Variants in MYO6 observed in about 807,000 individuals in gnomAD.
MYO6 encodes the protein unconventional myosin-VI.
MYO6 carries 74 observed loss-of-function variants against 178.7 expected under a neutral mutation model. That is an observed-to-expected ratio of 0.41 (90% confidence interval 0.34 to 0.50). The LOEUF is 0.50. Ranked by LOEUF, MYO6 falls within the 20% of genes least tolerant of loss-of-function variation. The probability of loss-of-function intolerance (pLI) is 0.09; values close to 1 mark genes in which losing one functional copy is unlikely to be tolerated. For missense variants in MYO6, 1,330 were observed against 1,547.4 expected (o/e 0.86, Z 2.36); for synonymous variants, 477 against 504.6 (o/e 0.95, Z 0.73).
intron 1 of MYO6, among the ~76,000 whole-genome samples, chr6:75,799,270 A>G (rs1769181523): frequency 6.6e-6 from 1 of 152,066 alleles, no homozygotes; most frequent in African/African-American, 2.4e-5. Flanking sequence ...GGCCCCTGTA[A>G]TCCCAGCTAC....
chr6:75,849,128 G>C (rs932616860), intron 11 of MYO6, among the ~76,000 whole-genome samples: 25 of 152,124 alleles, frequency 1.6e-4, no homozygotes, highest in Non-Finnish European at 3.4e-4. Flanking sequence ...GGCAAACTAT[G>C]AACCACAGCC....
At chr6:75,866,744 A>C in intron 17 of MYO6, 123 bp downstream of exon 17, 1 of 1,121,522 alleles carries the variant, frequency 8.9e-7, no homozygotes. Context: ...GTAAAATTAC[A>C]AGTTCAATTC....
Position 75,842,823 on chromosome 6 carries a change from C to T in MYO6, c.816+1445C>T, listed in dbSNP as rs540154582. 4.6e-5 allele frequency among the ~76,000 whole-genome samples: 7 copies of T among 152,224 alleles called. No homozygotes were observed. In the South Asian group the frequency reaches 1.5e-3, roughly 32 times the overall value. On this transcript the variant is annotated intron_variant, in intron 9 of 34. Transcript: ENST00000369977. Reference sequence around the variant, plus strand: ...TTCTGGCCTTAATCTAGCATTTCTTCCTGCTTGGAGGCTTGGGAGTATAGT... The same window carrying T: ...TTCTGGCCTTAATCTAGCATTTCTTTCTGCTTGGAGGCTTGGGAGTATAGT...
intron 9 of MYO6, 32 bp downstream of exon 9, chr6:75,841,410 C>G: frequency 6.2e-7 from 1 of 1,600,628 alleles, no homozygotes; most frequent in South Asian, 1.1e-5. Flanking sequence ...TTCATATAGC[C>G]AGGTGCAGTG....
intron 1 of MYO6, among the ~76,000 whole-genome samples, chr6:75,798,300 G>C (rs993712146): frequency 2.0e-5 from 3 of 151,962 alleles, no homozygotes; most frequent in Admixed American, 1.3e-4. Flanking sequence ...TGTAGGTGTG[G>C]GGCTTTATTT....
chr6:75,822,651 A>AT, intron 2 of MYO6, 131 bp from the exon 3 acceptor site: 1 of 691,376 alleles, frequency 1.4e-6, no homozygotes, highest in Non-Finnish European at 2.6e-6. Context: ...GTTAAATAGT[A>AT]TTATCTGTAT....
At chr6:75,901,248 T>C (rs1055655132) in intron 30 of MYO6, among the ~76,000 whole-genome samples, 6 of 152,112 alleles carry the variant, frequency 3.9e-5, no homozygotes, top group Admixed American at 6.5e-5. Flanking sequence ...AACTTTAAAG[T>C]AGTTTTTTCC....
chr6:75,837,801 T>C (rs1773800527), intron 7 of MYO6, among the ~76,000 whole-genome samples: 1 of 152,220 alleles, frequency 6.6e-6, no homozygotes. Context: ...TAAGTAATGC[T>C]TTATTCACAG....
At chr6:75,798,297 G>A (rs1386328731) in intron 1 of MYO6, among the ~76,000 whole-genome samples, 4 of 152,142 alleles carry the variant, frequency 2.6e-5, no homozygotes, top group Non-Finnish European at 4.4e-5. Context: ...GGTTGTAGGT[G>A]TGGGGCTTTA....
rs1269377911 is a variant in MYO6, at chr6:75,841,068, A to G, written c.652-146A>G. ...AAATACTCTGTGCTTACGTTTAGTT[A>G]TTTGTTTTTTCCCCTTTATTTGGTG... On this transcript the variant is annotated intron_variant, in intron 8 of 34. Transcript: ENST00000369977. The G allele has an allele frequency of 7.6e-6, 6 of 786,162 alleles. No individual in the cohort carries two copies. The Admixed American group carries it at 1.2e-4, about 16-fold the overall frequency. 48.7% of individuals were successfully genotyped at this position (786,162 alleles called of 1,614,324 possible).
At position 75,756,280 on chromosome 6, in the gene MYO6, T is replaced by C. The variant is rs574526447; in HGVS notation, c.-48+6857T>C. 4.0e-5 allele frequency among the ~76,000 whole-genome samples: 6 copies of C among 151,712 alleles called. No homozygotes were observed. In the South Asian group the frequency reaches 1.0e-3, roughly 26 times the overall value. ...AAAACAAATGGGACTAGGACTGATA[T>C]GTTGGTGTTGTAAGAGAAGAGGTTA... is the stretch of plus-strand genomic sequence containing the variant. On this transcript the variant is annotated intron_variant, in intron 1 of 34. Transcript: ENST00000369977.
At chr6:75,831,246 A>G (rs565441871) in intron 5 of MYO6, among the ~76,000 whole-genome samples, 1 of 152,270 alleles carries the variant, frequency 6.6e-6, no homozygotes, top group South Asian at 2.1e-4. Flanking sequence ...GCTAAATGAC[A>G]TGTATTGGAA....
intron 18 of MYO6, among the ~76,000 whole-genome samples, chr6:75,870,303 A>G (rs1175552097): frequency 6.6e-6 from 1 of 152,198 alleles, no homozygotes; most frequent in Non-Finnish European, 1.5e-5. Context: ...TTGATCTCTT[A>G]TTAAATGCAT....
At chr6:75,799,792 A>G (rs1769256170) in intron 1 of MYO6, among the ~76,000 whole-genome samples, 2 of 152,124 alleles carry the variant, frequency 1.3e-5, no homozygotes, top group Non-Finnish European at 2.9e-5. Context: ...GGGTAGGTGT[A>G]GACTAACTTT....
intron 33 of MYO6, among the ~76,000 whole-genome samples, chr6:75,913,476 G>A (rs1252570539): frequency 1.3e-5 from 2 of 151,766 alleles, no homozygotes; most frequent in Non-Finnish European, 2.9e-5. Flanking sequence ...GGTTTTTTTT[G>A]TCATATGGTT....
At chr6:75,894,887 C>CAG in intron 28 of MYO6, 1 of 1,209,998 alleles carries the variant, frequency 8.3e-7, no homozygotes. Flanking sequence ...AATATAATTT[C>CAG]AATCAATTAC....
At position 75,865,806 on chromosome 6, in the gene MYO6, T is replaced by A. The variant is rs981682743; in HGVS notation, c.1675-720T>A. On this transcript the variant is annotated intron_variant, in intron 16 of 34. Coordinates refer to ENST00000369977, the MANE Select transcript of MYO6 (RefSeq NM_004999.4). ...CTAAAATGATTTAGTTTTCTTGAAATAGATTCAGGCTCCTTGTGTAAATAT... is the reference window on the plus strand; with the variant it reads ...CTAAAATGATTTAGTTTTCTTGAAAAAGATTCAGGCTCCTTGTGTAAATAT... Among the ~76,000 whole-genome samples, 11 of 152,310 alleles carry A rather than the reference T, an allele frequency of 7.2e-5. No homozygotes were observed. In the East Asian group the frequency reaches 2.1e-3, roughly 29 times the overall value.
rs2295936 is a variant in MYO6 at position 75,887,011 on chromosome 6, C to T, written c.2658+17C>T. 477,842 of 1,595,250 alleles carry T rather than the reference C, an allele frequency of 0.3. 77,985 individuals are homozygous for T. The highest frequency in any genetic ancestry group is 0.39 in the Middle Eastern group (2,348 of 5,982). On this transcript the variant is annotated intron_variant, in intron 25 of 34. Coordinates refer to ENST00000369977, the MANE Select transcript of MYO6 (RefSeq NM_004999.4). ...AAAATTAAGGTATGTAATTTCAACC[C>T]GAATGACTTTGACTTTTTATGTAAT...
At position 75,892,557 on chromosome 6, in the gene MYO6, C is replaced by T. The variant is rs1778981404; in HGVS notation, c.2974C>T (p.Gln992Ter). 1 of 1,613,776 alleles carries T rather than the reference C, an allele frequency of 6.2e-7. No homozygotes were observed. The highest frequency in any genetic ancestry group is 8.5e-7 in the Non-Finnish European group (1 of 1,180,018). ...QAEVEAQLAR[Q>*]KEEESQQQAV... ...TGAAGTGGAGGCACAGCTGGCCCGA[C>T]AGAAGGAGGAGGAATCCCAACAGCA... The change falls in exon 28 of 35, where the codon CAG (glutamine) becomes TAG (stop). Residue 992 changes from glutamine (Q) to a stop codon, truncating the protein, a stop_gained. Coordinates refer to ENST00000369977, the MANE Select transcript of MYO6 (RefSeq NM_004999.4). LOFTEE classifies it high-confidence loss of function.
Sources: allele counts gnomAD v4.1 joint callset (sites outside exome capture counted in the v4.1 genomes callset), GRCh38; gene constraint gnomAD v4.1.1; transcripts MANE v1.5; gene names NCBI Gene and HGNC (gene_info 2026-07-23, HGNC 2026-07-21).